KATNAL2: variants seen among roughly 807,000 people sequenced by gnomAD.
The protein encoded by KATNAL2 is katanin catalytic subunit A1 like 2, also known as katanin p60 ATPase-containing subunit A-like 2.
In KATNAL2, 52 loss-of-function variants were observed where a neutral mutation model predicts 76.3. The ratio of observed to expected loss-of-function variants is 0.68; its 90% CI spans 0.55 to 0.86. The LOEUF is 0.86. KATNAL2 is among the 40% of genes least tolerant of loss of function. The probability of loss-of-function intolerance (pLI) is 0.00; values close to 1 mark genes in which losing one functional copy is unlikely to be tolerated. For synonymous variants in KATNAL2, 243 were observed against 244.2 expected (o/e 1.00, Z 0.05); for missense variants, 660 against 668.9 (o/e 0.99, Z 0.15).
At chr18:46,957,049 A>G (rs1345600412) in intron 3 of KATNAL2, among the ~76,000 whole-genome samples, 3 of 151,486 alleles carry the variant, frequency 2.0e-5, no homozygotes, top group South Asian at 2.1e-4. Context: ...AAAAAAAAAA[A>G]AAAAAGAAAA....
chr18:46,922,490 T>C (rs2058597833), intron 1 of KATNAL2, among the ~76,000 whole-genome samples: 1 of 151,756 alleles, frequency 6.6e-6, no homozygotes, highest in African/African-American at 2.4e-5. Flanking sequence ...AAAAACCAAA[T>C]AATTAAAAAA....
chr18:46,946,144 G>T lies in KATNAL2; in HGVS notation c.-422G>T. ...AAGAAGACCGAAGATAATGATGAAG[G>T]GATAATTTGGAATAGGATTCACAGC... On this transcript the variant is annotated 5_prime_UTR_variant, in exon 2 of 18. It introduces an in-frame stop codon into an upstream open reading frame of the 5' UTR. Transcript: ENST00000683218. 1.2e-6 allele frequency: 1 copy of T among 828,990 alleles called. No individual in the cohort carries two copies. Among genetic ancestry groups the T allele is most frequent in the Non-Finnish European group, 1.5e-6 (1 of 682,468 alleles). 51.4% of individuals were successfully genotyped at this position (828,990 alleles called of 1,614,324 possible). A position where few individuals can be genotyped will look rare whatever the true frequency, so the allele number is the denominator to read the frequency against.
At chr18:47,039,616 A>C (rs1034841388) in intron 3 of KATNAL2, among the ~76,000 whole-genome samples, 26 of 152,226 alleles carry the variant, frequency 1.7e-4, no homozygotes, top group African/African-American at 6.3e-4. Flanking sequence ...TCTTTAAGAA[A>C]TTCAGCCAAA....
intron 1 of KATNAL2, among the ~76,000 whole-genome samples, chr18:46,919,843 C>A (rs765527010): frequency 1.7e-4 from 26 of 152,134 alleles, no homozygotes; most frequent in Non-Finnish European, 3.5e-4. Context: ...CTTATTCTTA[C>A]TCTTGATTTA....
intron 2 of KATNAL2, 142 bp downstream of exon 2, chr18:46,946,688 T>A (rs1599403044): frequency 1.9e-6 from 2 of 1,052,096 alleles, no homozygotes; most frequent in Non-Finnish European, 1.3e-6. Flanking sequence ...GGATTAAACA[T>A]GCATGGTCTA....
chr18:47,058,570 C>A (rs1366480831), intron 7 of KATNAL2, among the ~76,000 whole-genome samples: 1 of 152,168 alleles, frequency 6.6e-6, no homozygotes, highest in Non-Finnish European at 1.5e-5. Flanking sequence ...GGACTTTTTT[C>A]TCCTCCAAGT....
intron 3 of KATNAL2, chr18:47,034,858 GGT>G: frequency 6.2e-7 from 1 of 1,612,172 alleles, no homozygotes; most frequent in Non-Finnish European, 8.5e-7. Flanking sequence ...TTGCCCCGGA[GGT>G]GTTCTGCGTG....
intron 6 of KATNAL2, among the ~76,000 whole-genome samples, chr18:47,056,825 C>T (rs939685254): frequency 7.9e-6 from 1 of 126,132 alleles, no homozygotes; most frequent in African/African-American, 2.8e-5. Flanking sequence ...CACACAAACA[C>T]ATAAACACAC....
intron 3 of KATNAL2, chr18:47,034,862 T>A (rs1184070223): frequency 6.2e-7 from 1 of 1,612,048 alleles, no homozygotes; most frequent in African/African-American, 1.3e-5. Flanking sequence ...CCCGGAGGTG[T>A]TCTGCGTGCT....
At position 47,053,046 on chromosome 18, in the gene KATNAL2, G is replaced by A. The variant is rs1325103328; in HGVS notation, c.289G>A (p.Ala97Thr). 6.3e-7 allele frequency: 1 copy of A among 1,586,816 alleles called. No individual in the cohort carries two copies. The highest frequency in any genetic ancestry group is 1.8e-5 in the Admixed American group (1 of 55,704). Residue 97 changes from alanine (A) to threonine (T), a missense_variant and splice_region_variant, in exon 5 of 18, where the codon GCA (alanine) becomes ACA (threonine). By Grantham distance (58) the Ala-to-Thr change is moderately conservative. Transcript: ENST00000683218. The stretch of plus-strand genomic sequence containing the variant: ...AATTGTCAAAAAGTCATCAGACACA[G>A]GTACATGCCTATTTTCTAGAGATAA... Reference protein sequence around the residue: ...PKIVKKSSDTAENNLPQRSRG... With the variant: ...PKIVKKSSDTTENNLPQRSRG...
intron 15 of KATNAL2, among the ~76,000 whole-genome samples, chr18:47,079,476 C>A (rs1482906176): frequency 6.6e-6 from 1 of 151,626 alleles, no homozygotes; most frequent in Admixed American, 6.6e-5. Context: ...CTCACTGCAA[C>A]CTCTGCCTCC....
chr18:46,931,381 G>T (rs1464148274), intron 1 of KATNAL2, among the ~76,000 whole-genome samples: 1 of 151,904 alleles, frequency 6.6e-6, no homozygotes, highest in East Asian at 1.9e-4. Context: ...GCAGGGTGTG[G>T]TGGCTCACAC....
intron 3 of KATNAL2, among the ~76,000 whole-genome samples, chr18:46,960,500 G>A (rs899927490): frequency 6.6e-6 from 1 of 152,032 alleles, no homozygotes; most frequent in African/African-American, 2.4e-5. Flanking sequence ...AGACTGAGTT[G>A]CTTAGAACTG....
At chr18:47,036,878 T>G (rs540809294) in intron 3 of KATNAL2, among the ~76,000 whole-genome samples, 1 of 152,346 alleles carries the variant, frequency 6.6e-6, no homozygotes, top group East Asian at 1.9e-4. Flanking sequence ...TTCTAGCATT[T>G]TTTTGGGTTG....
intron 4 of KATNAL2, 47 bp downstream of exon 4, chr18:47,046,574 C>A: frequency 7.9e-7 from 1 of 1,264,080 alleles, no homozygotes; most frequent in Non-Finnish European, 1.1e-6. Context: ...TCTTTCTCTG[C>A]TCTCTACTTT....
intron 3 of KATNAL2, among the ~76,000 whole-genome samples, chr18:46,958,472 C>T (rs1020089347): frequency 6.6e-6 from 1 of 152,038 alleles, no homozygotes; most frequent in African/African-American, 2.4e-5. Context: ...TACACATGTG[C>T]ATGCGTGTGC....
intron 15 of KATNAL2, among the ~76,000 whole-genome samples, chr18:47,093,631 A>G (rs909817247): frequency 1.3e-5 from 2 of 152,052 alleles, no homozygotes; most frequent in Admixed American, 1.3e-4. Flanking sequence ...TCTTGGGTTC[A>G]AGCGATCCTC....
rs750730147 is a variant in KATNAL2 at position 46,946,389 on chromosome 18, A to C, written c.-177A>C. ...CAGCAGATTCGTCCAGTCTAGATAG[A>C]CCATGCACAGAGAATTTCAAAGAAA... On this transcript the variant is annotated 5_prime_UTR_variant, in exon 2 of 18. Coordinates refer to ENST00000683218, the MANE Select transcript of KATNAL2 (RefSeq NM_001387690.1). 92 of 1,035,772 alleles carry C rather than the reference A, an allele frequency of 8.9e-5. No individual in the cohort carries two copies. The highest frequency in any genetic ancestry group is 1.0e-4 in the Non-Finnish European group (90 of 859,150). 64.2% of individuals were successfully genotyped at this position (1,035,772 alleles called of 1,614,324 possible).
chr18:47,031,302 C>T lies in KATNAL2; in HGVS notation c.52-15155C>T, dbSNP rs929332893. On this transcript the variant is annotated intron_variant, in intron 3 of 17. Transcript: ENST00000683218. ...GGAGTTCCACTCTTACCTTTCAGTCCGAATGAGGAAAACAGATCCATTTGA... is the reference window on the plus strand; with the variant it reads ...GGAGTTCCACTCTTACCTTTCAGTCTGAATGAGGAAAACAGATCCATTTGA... 2.0e-5 allele frequency among the ~76,000 whole-genome samples: 3 copies of T among 151,976 alleles called. 1 individual carries two copies. Among genetic ancestry groups the T allele is most frequent in the African/African-American group, 7.3e-5 (3 of 41,310 alleles).
Sources: gnomAD v4.1 joint callset for allele counts (sites outside exome capture counted in the v4.1 genomes callset) on GRCh38, gnomAD v4.1.1 for gene constraint, MANE v1.5 for transcripts, NCBI Gene and HGNC (gene_info 2026-07-23, HGNC 2026-07-21) for gene names.